Variants in VTI1A observed in about 807,000 individuals in gnomAD.
The protein encoded by VTI1A is vesicle transport through interaction with t-SNAREs 1A, also known as vesicle transport through interaction with t-SNAREs homolog 1A.
A neutral mutation model predicts 34.9 loss-of-function variants in VTI1A; 22 were observed. That is an observed-to-expected ratio of 0.63 (90% CI 0.45 to 0.90). VTI1A has a LOEUF of 0.90. VTI1A is among the 40% of genes least tolerant of loss of function. The pLI, the probability that VTI1A is intolerant of heterozygous loss-of-function variation, is 0.00. For synonymous variants in VTI1A, 87 were observed against 97.3 expected, an observed-to-expected ratio of 0.89 and a Z score of 0.62; for missense variants, 268 against 275.6, an observed-to-expected ratio of 0.97 and a Z score of 0.20.
At chr10:112,523,032 C>T (rs188437419) in intron 3 of VTI1A, among the ~76,000 whole-genome samples, 230 of 152,190 alleles carry the variant, frequency 1.5e-3, no homozygotes, top group African/African-American at 5.4e-3. Flanking sequence ...GTTACGTATA[C>T]TCTATTTCAC....
At chr10:112,505,475 T>C (rs1311992394) in intron 3 of VTI1A, among the ~76,000 whole-genome samples, 1 of 152,222 alleles carries the variant, frequency 6.6e-6, no homozygotes, top group Non-Finnish European at 1.5e-5. Flanking sequence ...TTCTAACTTC[T>C]TTTACTAATC....
intron 5 of VTI1A, among the ~76,000 whole-genome samples, chr10:112,580,033 ATTAGAATTATTATTTTTTTTCTTACGT>A (rs1254393924): frequency 2.0e-5 from 3 of 152,114 alleles, no homozygotes; most frequent in Non-Finnish European, 4.4e-5. Flanking sequence ...TTTGATGAGG[ATTAGAATTATTATTTTTTTTCTTACGT>A]TCAGGCTAGA....
At chr10:112,521,369 C>G (rs963415964) in intron 3 of VTI1A, among the ~76,000 whole-genome samples, 1 of 151,982 alleles carries the variant, frequency 6.6e-6, no homozygotes, top group Non-Finnish European at 1.5e-5. Context: ...TATGTATTAG[C>G]AAATGATTTT....
At chr10:112,819,404 A>G (rs1564939088), downstream of VTI1A, among the ~76,000 whole-genome samples, 1 of 152,066 alleles carries the variant, frequency 6.6e-6, no homozygotes, top group Non-Finnish European at 1.5e-5. Context: ...AACCACCGTG[A>G]GTCCCTGGTC....
chr10:112,671,153 A>T (rs1313296909), intron 7 of VTI1A, among the ~76,000 whole-genome samples: 1 of 152,186 alleles, frequency 6.6e-6, no homozygotes, highest in African/African-American at 2.4e-5. Flanking sequence ...GGGTTTATGT[A>T]CCAAAGCCTT....
chr10:112,539,637 A>G (rs905412728), intron 5 of VTI1A, among the ~76,000 whole-genome samples: 1 of 152,180 alleles, frequency 6.6e-6, no homozygotes, highest in African/African-American at 2.4e-5. Flanking sequence ...ACATGAAGTC[A>G]GAGGACCAGG....
chr10:112,469,758 C>T (rs1436309976), intron 3 of VTI1A, among the ~76,000 whole-genome samples: 1 of 152,188 alleles, frequency 6.6e-6, no homozygotes, highest in Non-Finnish European at 1.5e-5. Flanking sequence ...TCTGTGAGAC[C>T]TCGTGGGGTC....
chr10:112,591,514 C>T (rs545179361), intron 5 of VTI1A, among the ~76,000 whole-genome samples: 9 of 86,458 alleles, frequency 1.0e-4, no homozygotes, highest in African/African-American at 3.6e-4. Context: ...AGTGAGACTC[C>T]GTCTCACACA....
chr10:112,673,984 T>A (rs1164235087), intron 7 of VTI1A, among the ~76,000 whole-genome samples: 4 of 152,210 alleles, frequency 2.6e-5, no homozygotes, highest in Admixed American at 6.5e-5. Flanking sequence ...TTCTGTTATA[T>A]TCTAATTGTT....
intron 5 of VTI1A, among the ~76,000 whole-genome samples, chr10:112,659,739 G>A (rs1847375614): frequency 6.6e-6 from 1 of 152,198 alleles, no homozygotes; most frequent in South Asian, 2.1e-4. Flanking sequence ...GCACGCGCGT[G>A]CATAGGCCCT....
chr10:112,495,233 A>T (rs567208055), intron 3 of VTI1A, among the ~76,000 whole-genome samples: 10 of 122,462 alleles, frequency 8.2e-5, no homozygotes, highest in African/African-American at 1.4e-4. Context: ...TTAAAAAAAA[A>T]TTTTCTCCAT....
intron 7 of VTI1A, among the ~76,000 whole-genome samples, chr10:112,680,750 G>C (rs1012366828): frequency 6.6e-6 from 1 of 152,194 alleles, no homozygotes; most frequent in Non-Finnish European, 1.5e-5. Context: ...CTGGGGCCTG[G>C]ATGTGCAGAT....
At chr10:112,512,004 G>A (rs1024271043) in intron 3 of VTI1A, among the ~76,000 whole-genome samples, 5 of 152,084 alleles carry the variant, frequency 3.3e-5, no homozygotes, top group African/African-American at 1.2e-4. Flanking sequence ...CTTTGCTTGT[G>A]AGTAGTGCTA....
At chr10:112,545,836 C>T (rs184446789) in intron 5 of VTI1A, among the ~76,000 whole-genome samples, 214 of 151,528 alleles carry the variant, frequency 1.4e-3, no homozygotes, top group African/African-American at 4.9e-3. Flanking sequence ...TGTGCGCACG[C>T]GTGCGCGTGT....
intron 7 of VTI1A, among the ~76,000 whole-genome samples, chr10:112,801,735 G>C (rs974223933): frequency 6.6e-6 from 1 of 152,188 alleles, no homozygotes; most frequent in African/African-American, 2.4e-5. Context: ...ATACTCTTTG[G>C]TGAGGGATCA....
At chr10:112,757,380 T>TTTTTTTC (rs1851324922) in intron 7 of VTI1A, among the ~76,000 whole-genome samples, 2 of 136,042 alleles carry the variant, frequency 1.5e-5, no homozygotes, top group Admixed American at 1.5e-4. Flanking sequence ...TTTTTTTTTT[T>TTTTTTTC]TTTGGAGACA....
intron 3 of VTI1A, among the ~76,000 whole-genome samples, chr10:112,523,269 T>C (rs1241120371): frequency 6.6e-6 from 1 of 152,092 alleles, no homozygotes; most frequent in African/African-American, 2.4e-5. Context: ...AATCAGCCAA[T>C]CAGTATGCAA....
chr10:112,723,319 G>A (rs12784726), intron 7 of VTI1A, among the ~76,000 whole-genome samples: 24,486 of 152,120 alleles, frequency 0.16, 2,261 homozygotes, highest in Middle Eastern at 0.23. Context: ...TGAAAACTAA[G>A]AACTCTTAGC....
chr10:112,631,477 A>G (rs1242117715), intron 5 of VTI1A, among the ~76,000 whole-genome samples: 1 of 152,104 alleles, frequency 6.6e-6, no homozygotes, highest in African/African-American at 2.4e-5. Flanking sequence ...CTATAGATTC[A>G]TCTATTCTGG....
Sources: allele counts gnomAD v4.1 joint callset (sites outside exome capture counted in the v4.1 genomes callset), GRCh38; gene constraint gnomAD v4.1.1; transcripts MANE v1.5; gene names NCBI Gene and HGNC (gene_info 2026-07-23, HGNC 2026-07-21).